The following DTX3 variants were observed in gnomAD, a reference collection of about 807,000 sequenced individuals.
DTX3 encodes the protein E3 ubiquitin-protein ligase DTX3.
In DTX3, 10 loss-of-function variants were observed where a neutral mutation model predicts 27.4. The ratio of observed to expected loss-of-function variants is 0.36; its 90% confidence interval spans 0.22 to 0.62. DTX3 has a LOEUF of 0.62. Ranked by LOEUF, DTX3 falls within the 20% of genes least tolerant of loss-of-function variation. DTX3 has a pLI of 0.68. For missense variants in DTX3, 319 were observed against 463.8 expected (o/e 0.69, Z 2.87); for synonymous variants, 171 against 190.7 (o/e 0.90, Z 0.85).
chr12:57,606,321 A>G (rs1020890493), intron 3 of DTX3, 69 bp downstream of exon 3: 3 of 679,470 alleles, frequency 4.4e-6, no homozygotes, highest in Non-Finnish European at 7.3e-6. Flanking sequence ...TGTTCCAAGT[A>G]ATGCCATTCT....
chr12:57,608,789 T>G lies in DTX3; in HGVS notation c.968+52T>G. On this transcript the variant is annotated intron_variant, in intron 6 of 6. Transcript: ENST00000337737. This position sits in a 1 kb window ranked among gnomAD's most constrained non-coding sequence, Gnocchi z 6.1. ...CTTGGCTCCTCCCCTTTGTTCCATT[T>G]CCACTGAGGGACCCACCAACCCCTC... The G allele has an allele frequency of 6.3e-7, 1 of 1,592,356 alleles. No individual in the cohort carries two copies. The highest frequency in any genetic ancestry group is 8.6e-7 in the Non-Finnish European group (1 of 1,166,138).
rs1268449822 is a variant in DTX3, at chr12:57,607,073, C to T, written c.210C>T (p.Ala70=). 4.3e-6 allele frequency: 7 copies of T among 1,614,112 alleles called. No individual in the cohort carries two copies. Among genetic ancestry groups the T allele is most frequent in the African/African-American group, 2.7e-5 (2 of 74,944 alleles). Residue 70 remains alanine (A), a synonymous_variant, in exon 5 of 7, where the codon GCC becomes GCT. Coordinates refer to ENST00000337737, the MANE Select transcript of DTX3 (RefSeq NM_178502.4). This position sits in a 1 kb window ranked among gnomAD's most constrained non-coding sequence, Gnocchi z 7.7. ...LQLSPQGPPP[A]PPNGLYLARK... is the part of the protein sequence containing the mutation. Reference sequence around the variant, plus strand: ...TTTCCCCACAGGGTCCTCCCCCGGCCCCTCCAAATGGGCTCTACCTAGCCC... The same window carrying T: ...TTTCCCCACAGGGTCCTCCCCCGGCTCCTCCAAATGGGCTCTACCTAGCCC...
rs764105820 is a variant in DTX3 at position 57,607,223 on chromosome 12, A to G, written c.360A>G (p.Ala120=). ...GGGEHPEMHR[A]GPPPLRAAPL... ...GGGAGCACCCTGAGATGCACCGCGC[A>G]GGCCCACCCCCTCTCCGAGCAGCCC... Residue 120 remains alanine, a synonymous_variant, in exon 5 of 7, where the codon GCA becomes GCG. Transcript: ENST00000337737. The surrounding 1 kb of genome is among the most constrained non-coding windows in gnomAD (Gnocchi z 7.7). 2.0e-5 allele frequency: 32 copies of G among 1,609,498 alleles called. No individual in the cohort carries two copies. The South Asian group carries it at 3.5e-4, about 18-fold the overall frequency.
chr12:57,609,230 C>A lies in DTX3; in HGVS notation c.*78C>A, dbSNP rs1183447350. On this transcript the variant is annotated 3_prime_UTR_variant, in exon 7 of 7. Transcript: ENST00000337737. ...AGAAGCCTCTTTCTCCTCTCTGCCC[C>A]CTGCCCCCCACACCACACCTGTAGG... The A allele has an allele frequency of 4.4e-6, 6 of 1,368,082 alleles. No individual in the cohort carries two copies. Among genetic ancestry groups the A allele is most frequent in the Admixed American group, 1.8e-5 (1 of 55,702 alleles). The allele number at this position is 1,368,082 out of a possible 1,614,324, so 84.7% of individuals were successfully genotyped here.
rs760172796 is a variant in DTX3, at chr12:57,606,860, G to A, written c.2-5G>A. On this transcript the variant is annotated splice_polypyrimidine_tract_variant and splice_region_variant and intron_variant, in intron 4 of 6. Coordinates refer to ENST00000337737, the MANE Select transcript of DTX3 (RefSeq NM_178502.4). The stretch of plus-strand genomic sequence containing the variant: ...CACCCTGAGTCCCTTTCACCCTGGG[G>A]GCAGTGTCGTTCGTCCTGTCCAGAA... The A allele has an allele frequency of 6.2e-7, 1 of 1,602,074 alleles. No homozygotes were observed. The highest frequency in any genetic ancestry group is 1.7e-5 in the Admixed American group (1 of 59,082).
In DTX3 at chr12:57,606,263, C is replaced by T; in HGVS notation, c.-76+11C>T. On this transcript the variant is annotated intron_variant, in intron 3 of 6. Transcript: ENST00000337737. Reference sequence around the variant, plus strand: ...CCATGGGCTTTCCAGGTATCTCCCCCGCAAGGGATCCTCAATTTTCACCCT... The same window carrying T: ...CCATGGGCTTTCCAGGTATCTCCCCTGCAAGGGATCCTCAATTTTCACCCT... 1.3e-5 allele frequency: 7 copies of T among 524,436 alleles called. No individual in the cohort carries two copies. The highest frequency in any genetic ancestry group is 7.8e-5 in the South Asian group (3 of 38,412). The allele number at this position is 524,436 out of a possible 1,614,324, so 32.5% of individuals were successfully genotyped here.
Position 57,607,500 on chromosome 12 carries a change from C to T in DTX3, c.637C>T (p.Gln213Ter). 6.2e-7 allele frequency: 1 copy of T among 1,614,226 alleles called. No individual in the cohort carries two copies. Among genetic ancestry groups the T allele is most frequent in the African/African-American group, 1.3e-5 (1 of 75,064 alleles). Residue 213 changes from glutamine (Q) to a stop codon, truncating the protein, a stop_gained, in exon 5 of 7, where the codon CAG (glutamine) becomes TAG (stop). Transcript: ENST00000337737. LOFTEE classifies it high-confidence loss of function. This position sits in a 1 kb window ranked among gnomAD's most constrained non-coding sequence, Gnocchi z 7.7. ...CTTCTATGGGCAGCTGGTGGGCAAC[C>T]AGCCCCAGAATGGGCGGATGCTGGT... ...GRFYGQLVGN[Q>*]PQNGRMLVSK...
Position 57,607,666 on chromosome 12 carries a change from T to A in DTX3, c.750+53T>A. 6.2e-7 allele frequency: 1 copy of A among 1,609,980 alleles called. No individual in the cohort carries two copies. The highest frequency in any genetic ancestry group is 8.5e-7 in the Non-Finnish European group (1 of 1,176,858). Reference sequence around the variant, plus strand: ...CTTTGGCTTTCCCCAAGCTCTGACCTAGGAAAACCGGGTGAGGGTGAGTGT... The same window carrying A: ...CTTTGGCTTTCCCCAAGCTCTGACCAAGGAAAACCGGGTGAGGGTGAGTGT... On this transcript the variant is annotated intron_variant, in intron 5 of 6. Transcript: ENST00000337737. This position sits in a 1 kb window ranked among gnomAD's most constrained non-coding sequence, Gnocchi z 7.7.
In DTX3 at chr12:57,606,361, G is replaced by T. The variant is rs77762493; in HGVS notation, c.-75-82G>T. 4.5e-3 allele frequency: 4,907 copies of T among 1,094,156 alleles called. 129 individuals are homozygous for T. In the East Asian group the frequency reaches 0.06, roughly 13 times the overall value. 67.8% of individuals were successfully genotyped at this position (1,094,156 alleles called of 1,614,324 possible). A position where few individuals can be genotyped will look rare whatever the true frequency, so the allele number is the denominator to read the frequency against. On this transcript the variant is annotated intron_variant, in intron 3 of 6. Transcript: ENST00000337737. ...AACCTATACCCAGGTTTCTGTCTCT[G>T]TTCCATGGGCTGCTGGGTTGGGGGC...
chr12:57,606,633 A>G, intron 4 of DTX3, 115 bp downstream of exon 4: 28 of 1,465,682 alleles, frequency 1.9e-5, no homozygotes, highest in Non-Finnish European at 2.6e-5. Flanking sequence ...AGGAGAAACA[A>G]GACTGATACT....
At position 57,606,263 on chromosome 12, in the gene DTX3, C is replaced by G. The variant is rs554539439; in HGVS notation, c.-76+11C>G. The G allele has an allele frequency of 7.6e-6, 4 of 524,436 alleles. No individual in the cohort carries two copies. Among genetic ancestry groups the G allele is most frequent in the East Asian group, 3.4e-5 (1 of 29,664 alleles). The allele number at this position is 524,436 out of a possible 1,614,324, so 32.5% of individuals were successfully genotyped here. On this transcript the variant is annotated intron_variant, in intron 3 of 6. Transcript: ENST00000337737. ...CCATGGGCTTTCCAGGTATCTCCCC[C>G]GCAAGGGATCCTCAATTTTCACCCT...
chr12:57,606,759 G>T, intron 4 of DTX3, 106 bp from the exon 5 acceptor site: 1 of 1,454,960 alleles, frequency 6.9e-7, no homozygotes. Context: ...ATTAGGCTTT[G>T]AGAAAACAGA....
intron 3 of DTX3, 52 bp from the exon 4 acceptor site, chr12:57,606,391 G>A (rs1374989475): frequency 6.9e-7 from 1 of 1,455,092 alleles, no homozygotes; most frequent in Admixed American, 2.1e-5. Context: ...GGGGGCCATG[G>A]GAATTGGGAG....
chr12:57,606,758 T>A, intron 4 of DTX3, 107 bp from the exon 5 acceptor site: 1 of 1,453,812 alleles, frequency 6.9e-7, no homozygotes, highest in Non-Finnish European at 9.3e-7. Context: ...GATTAGGCTT[T>A]GAGAAAACAG....
intron 3 of DTX3, 26 bp downstream of exon 3, chr12:57,606,278 A>G (rs1883714008): frequency 3.6e-6 from 2 of 551,072 alleles, no homozygotes; most frequent in East Asian, 6.5e-5. Flanking sequence ...GGGATCCTCA[A>G]TTTTCACCCT....
rs1025525845 is a variant in DTX3 at position 57,607,195 on chromosome 12, G to A, written c.332G>A (p.Gly111Glu). 16 of 1,613,116 alleles carry A rather than the reference G, an allele frequency of 9.9e-6. No individual in the cohort carries two copies. Among genetic ancestry groups the A allele is most frequent in the African/African-American group, 1.3e-5 (1 of 74,940 alleles). The part of the protein sequence containing the change: ...ELMGCLALGG[G>E]GEHPEMHRAG... ...ATGGGCTGCCTGGCTCTGGGGGGTG[G>A]AGGGGAGCACCCTGAGATGCACCGC... The change falls in exon 5 of 7, where the codon GGA (glycine) becomes GAA (glutamate). Residue 111 changes from glycine to glutamate, a missense_variant. Transcript: ENST00000337737. The surrounding 1 kb of genome is among the most constrained non-coding windows in gnomAD (Gnocchi z 7.7).
In DTX3 at chr12:57,609,253, A is replaced by G; in HGVS notation, c.*101A>G. The G allele has an allele frequency of 2.8e-6, 3 of 1,065,962 alleles. No individual in the cohort carries two copies. In the South Asian group the frequency reaches 4.0e-5, roughly 14 times the overall value. 66.0% of individuals were successfully genotyped at this position (1,065,962 alleles called of 1,614,324 possible). ...CCCCTGCCCCCCACACCACACCTGT[A>G]GGGGACCTGTCTGACTGGGAAGGGA... is the stretch of plus-strand genomic sequence containing the variant. On this transcript the variant is annotated 3_prime_UTR_variant, in exon 7 of 7. Transcript: ENST00000337737.
rs774891357 is a variant in DTX3, at chr12:57,606,854, C to G, written c.2-11C>G. On this transcript the variant is annotated splice_polypyrimidine_tract_variant and intron_variant, in intron 4 of 6. Coordinates refer to ENST00000337737, the MANE Select transcript of DTX3 (RefSeq NM_178502.4). Reference sequence around the variant, plus strand: ...ACCCCCCACCCTGAGTCCCTTTCACCCTGGGGGCAGTGTCGTTCGTCCTGT... The same window carrying G: ...ACCCCCCACCCTGAGTCCCTTTCACGCTGGGGGCAGTGTCGTTCGTCCTGT... 1 of 1,596,582 alleles carries G rather than the reference C, an allele frequency of 6.3e-7. No individual in the cohort carries two copies. Among genetic ancestry groups the G allele is most frequent in the Non-Finnish European group, 8.5e-7 (1 of 1,169,716 alleles).
At position 57,609,339 on chromosome 12, in the gene DTX3, A is replaced by G; in HGVS notation, c.*187A>G. Reference sequence around the variant, plus strand: ...CCCCACTGGCCAAGTGTTTCAATGCAGTGTGAGCCACTCCCTTCTGGCAGA... The same window carrying G: ...CCCCACTGGCCAAGTGTTTCAATGCGGTGTGAGCCACTCCCTTCTGGCAGA... On this transcript the variant is annotated 3_prime_UTR_variant, in exon 7 of 7. Transcript: ENST00000337737. 1.6e-6 allele frequency: 1 copy of G among 607,860 alleles called. No homozygotes were observed. The highest frequency in any genetic ancestry group is 2.9e-6 in the Non-Finnish European group (1 of 340,220). 37.7% of individuals were successfully genotyped at this position (607,860 alleles called of 1,614,324 possible).
Sources: allele counts gnomAD v4.1 joint callset, GRCh38; gene constraint gnomAD v4.1.1; non-coding constraint Gnocchi (gnomAD v3.1); transcripts MANE v1.5; gene names NCBI Gene and HGNC (gene_info 2026-07-23, HGNC 2026-07-21).